Variants in EHBP1 observed in about 807,000 individuals in gnomAD.
EHBP1 encodes EH domain-binding protein 1.
A neutral mutation model predicts 144.0 loss-of-function variants in EHBP1; 55 were observed. The observed-to-expected ratio is 0.38, with a 90% confidence interval of 0.31 to 0.48. The LOEUF (loss-of-function observed/expected upper bound fraction) is 0.48. Ranked by LOEUF, EHBP1 falls within the 20% of genes least tolerant of loss-of-function variation. EHBP1 has a pLI of 0.98. For synonymous variants in EHBP1, 469 were observed against 472.7 expected (o/e 0.99, Z 0.10); for missense variants, 1,200 against 1,364.2 (o/e 0.88, Z 1.90).
intron 10 of EHBP1, among the ~76,000 whole-genome samples, chr2:62,876,744 C>T (rs1464993607): frequency 6.6e-6 from 1 of 152,110 alleles, no homozygotes; most frequent in East Asian, 1.9e-4. Context: ...AAGGAATACA[C>T]AAATTCAAAC....
intron 10 of EHBP1, among the ~76,000 whole-genome samples, chr2:62,909,407 T>G (rs1348706583): frequency 6.6e-6 from 1 of 152,230 alleles, no homozygotes; most frequent in Non-Finnish European, 1.5e-5. Context: ...GGTCTCGAAC[T>G]TCTAGACTGA....
At chr2:62,769,343 T>C (rs1478422116) in intron 4 of EHBP1, among the ~76,000 whole-genome samples, 5 of 152,064 alleles carry the variant, frequency 3.3e-5, no homozygotes, top group Admixed American at 6.6e-5. Context: ...TAAAAATCAC[T>C]AACATTCCTA....
At chr2:62,956,430 G>T (rs1366849203) in intron 14 of EHBP1, among the ~76,000 whole-genome samples, 1 of 152,104 alleles carries the variant, frequency 6.6e-6, no homozygotes, top group African/African-American at 2.4e-5. Flanking sequence ...TGCCAGGTTG[G>T]TCACCTTGTT....
At chr2:63,039,521 C>T (rs1331745585) in intron 21 of EHBP1, among the ~76,000 whole-genome samples, 1 of 151,886 alleles carries the variant, frequency 6.6e-6, no homozygotes, top group Non-Finnish European at 1.5e-5. Context: ...AAAGCTAATC[C>T]TTTGGGCTCT....
chr2:62,919,759 A>G (rs996805225), intron 10 of EHBP1, among the ~76,000 whole-genome samples: 3 of 152,182 alleles, frequency 2.0e-5, no homozygotes, highest in Non-Finnish European at 2.9e-5. Flanking sequence ...AGTACTGAAC[A>G]TATGGAGAGA....
At chr2:63,022,615 A>C (rs1356354602) in intron 19 of EHBP1, among the ~76,000 whole-genome samples, 5 of 151,840 alleles carry the variant, frequency 3.3e-5, no homozygotes. Context: ...GCACCTGGCC[A>C]ACATTGCCAG....
intron 5 of EHBP1, among the ~76,000 whole-genome samples, chr2:62,820,296 T>C (rs1360008668): frequency 6.6e-6 from 1 of 151,840 alleles, no homozygotes; most frequent in Non-Finnish European, 1.5e-5. Context: ...TATTTCCTTA[T>C]ATAAAAGTAA....
intron 10 of EHBP1, among the ~76,000 whole-genome samples, chr2:62,915,282 A>C (rs1425374810): frequency 6.6e-6 from 1 of 152,120 alleles, no homozygotes; most frequent in Non-Finnish European, 1.5e-5. Context: ...TTAAATGTAT[A>C]CCAGAAGAAG....
intron 2 of EHBP1, among the ~76,000 whole-genome samples, chr2:62,736,857 G>A (rs1345950721): frequency 6.6e-6 from 1 of 152,058 alleles, no homozygotes; most frequent in Non-Finnish European, 1.5e-5. Context: ...TGCTTGCTCT[G>A]TCTCTTCAAA....
intron 7 of EHBP1, among the ~76,000 whole-genome samples, chr2:62,848,218 G>A (rs2048433752): frequency 6.6e-6 from 1 of 151,708 alleles, no homozygotes; most frequent in African/African-American, 2.4e-5. Context: ...AGCTGGGACT[G>A]CAGGTGTCCA....
At chr2:62,762,167 G>C (rs2040821257) in intron 3 of EHBP1, among the ~76,000 whole-genome samples, 1 of 152,052 alleles carries the variant, frequency 6.6e-6, no homozygotes, top group Non-Finnish European at 1.5e-5. Context: ...TATTTGACTT[G>C]TCATCAACAT....
intron 1 of EHBP1, 65 bp from the exon 2 acceptor site, chr2:62,706,832 G>C (rs2034637420): frequency 4.9e-6 from 1 of 206,184 alleles, no homozygotes; most frequent in African/African-American, 2.3e-5. Flanking sequence ...AACATGGGTG[G>C]TTAGTCATTT....
chr2:62,694,342 G>A (rs1022876464), intron 1 of EHBP1, among the ~76,000 whole-genome samples: 4 of 151,964 alleles, frequency 2.6e-5, no homozygotes, highest in African/African-American at 9.7e-5. Context: ...ATTGAATTAG[G>A]AACTGGTATA....
intron 5 of EHBP1, among the ~76,000 whole-genome samples, chr2:62,804,319 A>G (rs1419626892): frequency 6.6e-6 from 1 of 152,230 alleles, no homozygotes; most frequent in Middle Eastern, 3.2e-3. Context: ...AGCAAGAAAG[A>G]GTTGTATAAA....
intron 5 of EHBP1, among the ~76,000 whole-genome samples, chr2:62,775,965 T>C (rs1036490231): frequency 2.6e-5 from 4 of 152,200 alleles, no homozygotes; most frequent in African/African-American, 9.6e-5. Context: ...GGGAAGCTTT[T>C]AATCAGTCTT....
rs1171760462 is a variant in EHBP1 at position 62,681,340 on chromosome 2, G to GTGTATATATATATATATATATATATA, written c.-296+7258_-296+7259insGTATATATATATATATATATATATAT. 2.3e-3 allele frequency among the ~76,000 whole-genome samples: 136 copies of GTGTATATATATATATATATATATATA among 58,518 alleles called. 7 individuals carry two copies. Among genetic ancestry groups the GTGTATATATATATATATATATATATA allele is most frequent in the African/African-American group, 9.4e-3 (109 of 11,594 alleles). The allele number at this position is 58,518 out of a possible 152,430, so 38.4% of individuals were successfully genotyped here. On this transcript the variant is annotated intron_variant, in intron 1 of 22. Transcript: ENST00000405015. ...TATATATTTGTATGTATGTGTGTGT[G>GTGTATATATATATATATATATATATA]TATATATATATATATATATAATGTG...
chr2:62,825,308 TGTAAA>T (rs1299281916), intron 5 of EHBP1, among the ~76,000 whole-genome samples: 13 of 152,122 alleles, frequency 8.5e-5, no homozygotes, highest in Admixed American at 7.2e-4. Flanking sequence ...TAGGCTATTC[TGTAAA>T]GTATAGTTAA....
chr2:62,999,827 G>A lies in EHBP1; in HGVS notation c.3103+3061G>A, dbSNP rs76093660. Among the ~76,000 whole-genome samples, 906 of 152,150 alleles carry A rather than the reference G, an allele frequency of 6.0e-3. 14 individuals are homozygous for A. Among genetic ancestry groups the A allele is most frequent in the African/African-American group, 0.02 (817 of 41,522 alleles). ...TTTTCATTTCTTTTGGGTATATACC[G>A]AGGATTGGAATTTCTGAATCATATG... On this transcript the variant is annotated intron_variant, in intron 19 of 22. Transcript: ENST00000431489.
intron 2 of EHBP1, among the ~76,000 whole-genome samples, chr2:62,710,425 G>A (rs2035038313): frequency 6.6e-6 from 1 of 151,440 alleles, no homozygotes; most frequent in Non-Finnish European, 1.5e-5. Flanking sequence ...AATATTCAGA[G>A]TGCTGTAAAC....
Sources: allele counts gnomAD v4.1 joint callset (sites outside exome capture counted in the v4.1 genomes callset), GRCh38; gene constraint gnomAD v4.1.1; transcripts MANE v1.5; gene names NCBI Gene and HGNC (gene_info 2026-07-23, HGNC 2026-07-21).